LARP1: variants seen among roughly 807,000 people sequenced by gnomAD.
The protein encoded by LARP1 is la-related protein 1.
LARP1 carries 36 observed loss-of-function variants against 122.7 expected under a neutral mutation model. That is an observed-to-expected ratio of 0.29 (90% CI 0.22 to 0.39). LARP1 has a LOEUF of 0.39. Ranked by LOEUF, LARP1 falls within the 10% of genes least tolerant of loss-of-function variation. LARP1 has a pLI of 1.00. For missense variants in LARP1, 1,040 were observed against 1,403.6 expected, an observed-to-expected ratio of 0.74 and a Z score of 4.14; for synonymous variants, 539 against 528.7, an observed-to-expected ratio of 1.02 and a Z score of -0.27.
intron 1 of LARP1, among the ~76,000 whole-genome samples, chr5:154,684,405 T>C (rs1449604487): frequency 1.3e-5 from 2 of 151,986 alleles, no homozygotes; most frequent in Non-Finnish European, 2.9e-5. Context: ...CCCTATACTC[T>C]AGCCTGGGCA....
At chr5:154,804,686 TA>T (rs149966643) in intron 14 of LARP1, 2 of 425,648 alleles carry the variant, frequency 4.7e-6, no homozygotes, top group African/African-American at 4.2e-5. Flanking sequence ...TTTTAAAAAT[TA>T]AAAAAATACA....
intron 1 of LARP1, among the ~76,000 whole-genome samples, chr5:154,772,078 C>A (rs533320896): frequency 6.6e-6 from 1 of 152,290 alleles, no homozygotes; most frequent in South Asian, 2.1e-4. Context: ...AGCAAATATA[C>A]AACGCACATG....
At chr5:154,713,140 A>G in intron 1 of LARP1, 4 of 1,607,030 alleles carry the variant, frequency 2.5e-6, no homozygotes, top group Non-Finnish European at 3.4e-6. Context: ...GGTGAGTCCT[A>G]GCACTCTGCG....
chr5:154,720,425 A>T (rs1017379664), intron 1 of LARP1, among the ~76,000 whole-genome samples: 7 of 152,238 alleles, frequency 4.6e-5, no homozygotes, highest in East Asian at 3.9e-4. Flanking sequence ...TCATAACTGG[A>T]AAACAGAGGC....
intron 1 of LARP1, among the ~76,000 whole-genome samples, chr5:154,777,806 T>C (rs1187599446): frequency 6.6e-6 from 1 of 152,136 alleles, no homozygotes; most frequent in Non-Finnish European, 1.5e-5. Flanking sequence ...CCCATAAATA[T>C]GTAAACCTAC....
In LARP1 at chr5:154,808,571, G is replaced by A; in HGVS notation, c.2811G>A (p.Gln937=). 6.2e-7 allele frequency: 1 copy of A among 1,613,748 alleles called. No individual in the cohort carries two copies. Among genetic ancestry groups the A allele is most frequent in the Non-Finnish European group, 8.5e-7 (1 of 1,179,914 alleles). The stretch of plus-strand genomic sequence containing the variant: ...AAAAGATGTATGAGGAGTTCAAGCA[G>A]CTGGCTCTGGAGGACGCCAAAGAAG... ...FNKKMYEEFK[Q]LALEDAKEGY... is the part of the protein sequence containing the mutation. Residue 937 remains glutamine, a synonymous_variant, in exon 16 of 19, where the codon CAG becomes CAA. Coordinates refer to ENST00000518297, the MANE Select transcript of LARP1 (RefSeq NM_033551.3).
Position 154,733,703 on chromosome 5 carries a change from C to T in LARP1, c.205+20573C>T, listed in dbSNP as rs569948035. 2.0e-5 allele frequency among the ~76,000 whole-genome samples: 3 copies of T among 152,038 alleles called. No homozygotes were observed. In the East Asian group the frequency reaches 5.8e-4, roughly 30 times the overall value. On this transcript the variant is annotated intron_variant, in intron 1 of 18. Coordinates refer to the LARP1 transcript ENST00000336314. ...TTAGCCTCCTGCGTAGCTGGGATTACAGGTGCCTGCCACAATGCCTGGCTA... is the reference window on the plus strand; with the variant it reads ...TTAGCCTCCTGCGTAGCTGGGATTATAGGTGCCTGCCACAATGCCTGGCTA...
intron 1 of LARP1, among the ~76,000 whole-genome samples, chr5:154,703,120 CAAAAAAA>C (rs757446137): frequency 2.6e-4 from 10 of 38,760 alleles, no homozygotes; most frequent in African/African-American, 6.3e-4. Flanking sequence ...GACGCTGTCT[CAAAAAAA>C]AAAAAAAAAA....
At chr5:154,696,823 T>G (rs1754488805) in intron 1 of LARP1, among the ~76,000 whole-genome samples, 1 of 152,166 alleles carries the variant, frequency 6.6e-6, no homozygotes. Context: ...GAGAGAAGGA[T>G]CTATGCCTTT....
At chr5:154,746,484 C>G (rs1753205617) in intron 1 of LARP1, among the ~76,000 whole-genome samples, 1 of 152,214 alleles carries the variant, frequency 6.6e-6, no homozygotes, top group African/African-American at 2.4e-5. Context: ...GTGGTTTTTG[C>G]ATTTTCTATG....
At chr5:154,722,686 T>C (rs575442488) in intron 1 of LARP1, among the ~76,000 whole-genome samples, 1 of 149,856 alleles carries the variant, frequency 6.7e-6, no homozygotes, top group East Asian at 2.0e-4. Flanking sequence ...AGGTTTTTTT[T>C]TTTTTTTTTT....
intron 1 of LARP1, among the ~76,000 whole-genome samples, chr5:154,689,672 G>C (rs1582139340): frequency 6.6e-6 from 1 of 151,432 alleles, no homozygotes; most frequent in Non-Finnish European, 1.5e-5. Context: ...TTGCCTGTTT[G>C]TTTCCTTCCA....
chr5:154,715,657 G>A (rs918213589), intron 1 of LARP1, among the ~76,000 whole-genome samples: 2 of 152,088 alleles, frequency 1.3e-5, no homozygotes, highest in South Asian at 2.1e-4. Context: ...GAGTGAATGC[G>A]GGGTGTGTGC....
intron 1 of LARP1, among the ~76,000 whole-genome samples, chr5:154,766,257 G>A (rs1342054400): frequency 6.6e-6 from 1 of 152,194 alleles, no homozygotes; most frequent in Non-Finnish European, 1.5e-5. Context: ...GTATGTGAGG[G>A]GAGTAGCATG....
intron 1 of LARP1, among the ~76,000 whole-genome samples, chr5:154,738,540 C>T (rs532004415): frequency 6.6e-5 from 10 of 152,014 alleles, no homozygotes; most frequent in South Asian, 4.2e-4. Flanking sequence ...TGCAGTGAGC[C>T]GAGATCGGGC....
chr5:154,691,560 C>G (rs1235949304), intron 1 of LARP1, among the ~76,000 whole-genome samples: 1 of 152,164 alleles, frequency 6.6e-6, no homozygotes, highest in Non-Finnish European at 1.5e-5. Flanking sequence ...GGGTGCCGTT[C>G]GTTGAAAAGG....
rs754248288 is a variant in LARP1, at chr5:154,803,268, A to G, written c.2110-22A>G. ...AGCCTGCTTACTTACATCTTTCCCC[A>G]CTCATCTCATGACCTCTGCAGCAAG... is the stretch of plus-strand genomic sequence containing the variant. On this transcript the variant is annotated intron_variant, in intron 11 of 18. Coordinates refer to ENST00000518297, the MANE Select transcript of LARP1 (RefSeq NM_033551.3). This position sits in a 1 kb window ranked among gnomAD's most constrained non-coding sequence, Gnocchi z 4.4. The G allele has an allele frequency of 1.9e-6, 3 of 1,613,888 alleles. No individual in the cohort carries two copies. The highest frequency in any genetic ancestry group is 2.7e-5 in the African/African-American group (2 of 74,940).
At chr5:154,804,612 T>C (rs960647016) in intron 14 of LARP1, among the ~76,000 whole-genome samples, 20 of 152,210 alleles carry the variant, frequency 1.3e-4, no homozygotes, top group African/African-American at 4.8e-4. Context: ...AGCCAGGTAG[T>C]TGAATAAACA....
intron 1 of LARP1, among the ~76,000 whole-genome samples, chr5:154,764,119 G>A (rs920640945): frequency 6.6e-5 from 10 of 152,014 alleles, no homozygotes; most frequent in African/African-American, 2.2e-4. Flanking sequence ...GACCAGCCTG[G>A]CCAACACAGT....
Sources: gnomAD v4.1 joint callset for allele counts (sites outside exome capture counted in the v4.1 genomes callset) on GRCh38, gnomAD v4.1.1 for gene constraint, Gnocchi (gnomAD v3.1) non-coding constraint, MANE v1.5 for transcripts, NCBI Gene and HGNC (gene_info 2026-07-23, HGNC 2026-07-21) for gene names.